CDH23: variants seen among roughly 807,000 people sequenced by gnomAD.
CDH23 encodes the protein cadherin related 23, also known as cadherin-23.
A neutral mutation model predicts 317.1 loss-of-function variants in CDH23; 189 were observed. The ratio of observed to expected loss-of-function variants is 0.60; its 90% CI spans 0.53 to 0.67. The LOEUF (loss-of-function observed/expected upper bound fraction) is 0.67, where lower values mean the gene tolerates loss of function less well. Ranked by LOEUF, CDH23 falls within the 30% of genes least tolerant of loss-of-function variation. CDH23 has a pLI of 0.00. For missense variants in CDH23, 4,401 were observed against 4,592.4 expected, an observed-to-expected ratio of 0.96 and a Z score of 1.20; for synonymous variants, 1,839 against 1,876.8, an observed-to-expected ratio of 0.98 and a Z score of 0.52.
rs56129333 is a variant in CDH23 at position 71,578,000 on chromosome 10, A to G, written c.832+8A>G. The stretch of plus-strand genomic sequence containing the variant: ...GCTACACCATCGTTTCAGGTAAGAC[A>G]GAAGGCTGCCCCTCTCTCCTCTCAC... On this transcript the variant is annotated splice_region_variant and intron_variant, in intron 9 of 69. Coordinates refer to ENST00000224721, the MANE Select transcript of CDH23 (RefSeq NM_022124.6). 1,012 of 1,588,880 alleles carry G rather than the reference A, an allele frequency of 6.4e-4. No homozygotes were observed. Among genetic ancestry groups the G allele is most frequent in the Non-Finnish European group, 8.4e-4 (976 of 1,167,756 alleles).
chr10:71,631,529 T>A (rs543977482), intron 11 of CDH23, among the ~76,000 whole-genome samples: 1 of 152,226 alleles, frequency 6.6e-6, no homozygotes, highest in Non-Finnish European at 1.5e-5. Context: ...TGTCTTTCAG[T>A]AGTGGCAAAT....
intron 6 of CDH23, among the ~76,000 whole-genome samples, chr10:71,539,392 CA>C (rs933115914): frequency 6.6e-6 from 1 of 152,168 alleles, no homozygotes; most frequent in Non-Finnish European, 1.5e-5. Flanking sequence ...GAATAAAAAT[CA>C]GAGGTGTCAG....
chr10:71,600,514 CTTTTT>C (rs538778849), intron 9 of CDH23, among the ~76,000 whole-genome samples: 1 of 125,226 alleles, frequency 8.0e-6, no homozygotes, highest in African/African-American at 3.1e-5. Context: ...GACCGCAGAA[CTTTTT>C]TTTTTTTTTT....
rs375676950 is a variant in CDH23 at position 71,630,286 on chromosome 10, T to G, written c.1134+12893T>G. Among the ~76,000 whole-genome samples the G allele has an allele frequency of 9.2e-5, 14 of 152,114 alleles. 1 individual carries two copies. Among genetic ancestry groups the G allele is most frequent in the Admixed American group, 4.6e-4 (7 of 15,266 alleles). ...ATCATCCTGCCTTGGCCTCCCAAAG[T>G]GCTGGGATTACTGGCGTGAGTCATC... On this transcript the variant is annotated intron_variant, in intron 11 of 69. Transcript: ENST00000224721.
intron 9 of CDH23, among the ~76,000 whole-genome samples, chr10:71,591,416 A>T (rs1859484604): frequency 6.6e-6 from 1 of 152,074 alleles, no homozygotes; most frequent in Admixed American, 6.5e-5. Flanking sequence ...CACCTCTTCA[A>T]CTGGGCTCGT....
intron 18 of CDH23, among the ~76,000 whole-genome samples, chr10:71,683,825 G>A (rs1036617381): frequency 6.6e-6 from 1 of 152,114 alleles, no homozygotes; most frequent in African/African-American, 2.4e-5. Context: ...GCTGGGCGCG[G>A]TAATCCCAGC....
At chr10:71,797,052 C>A (rs2132962201) in intron 48 of CDH23, 52 bp from the exon 49 acceptor site, 2 of 1,226,874 alleles carry the variant, frequency 1.6e-6, no homozygotes, top group Non-Finnish European at 2.4e-6. Flanking sequence ...CTGGGAAGGG[C>A]AGATTTTAGG....
chr10:71,523,321 G>C (rs1854809360), intron 6 of CDH23, among the ~76,000 whole-genome samples: 1 of 152,136 alleles, frequency 6.6e-6, no homozygotes, highest in African/African-American at 2.4e-5. Context: ...GCAGGGCCAG[G>C]GCAATGGGAG....
intron 3 of CDH23, among the ~76,000 whole-genome samples, chr10:71,456,406 G>GTTTTGGATGCGGCCATAATAACACTA (rs1564591931): frequency 4.0e-5 from 6 of 151,174 alleles, no homozygotes; most frequent in African/African-American, 1.5e-4. Flanking sequence ...CCTCTAAGGT[G>GTTTTGGATGCGGCCATAATAACACTA]ATAGAACAGA....
intron 48 of CDH23, chr10:71,794,634 A>G (rs1841354069): frequency 1.3e-5 from 2 of 152,218 alleles, no homozygotes; most frequent in African/African-American, 4.8e-5. Flanking sequence ...CAGCAGTAAG[A>G]TATCAGTTTT....
intron 3 of CDH23, among the ~76,000 whole-genome samples, chr10:71,504,768 A>G (rs945117666): frequency 6.6e-6 from 1 of 152,228 alleles, no homozygotes; most frequent in Non-Finnish European, 1.5e-5. Context: ...GCCATAAACC[A>G]GGCTGACTTA....
intron 1 of CDH23, among the ~76,000 whole-genome samples, chr10:71,422,647 G>A (rs1195612877): frequency 6.6e-6 from 1 of 152,202 alleles, no homozygotes; most frequent in East Asian, 1.9e-4. Context: ...TTGAGGTGAG[G>A]AGCTAGGCCC....
rs754613707 is a variant in CDH23 at position 71,460,649 on chromosome 10, G to A, written c.145+14254G>A. Among the ~76,000 whole-genome samples the A allele has an allele frequency of 1.3e-3, 203 of 152,320 alleles. 2 individuals carry two copies. The highest frequency in any genetic ancestry group is 2.6e-4 in the Non-Finnish European group (18 of 68,034). On this transcript the variant is annotated intron_variant, in intron 3 of 69. Coordinates refer to ENST00000224721, the MANE Select transcript of CDH23 (RefSeq NM_022124.6). ...TCCCACACTCTGGAGTGAGCAGTCC[G>A]ACAGGGCCCAGACACCCTGCTCGCC...
rs727505099 is a variant in CDH23, at chr10:71,738,564, G to T, written c.4276G>T (p.Val1426Phe). 9.9e-6 allele frequency: 16 copies of T among 1,613,826 alleles called. No homozygotes were observed. Among genetic ancestry groups the T allele is most frequent in the Non-Finnish European group, 1.4e-5 (16 of 1,179,910 alleles). ...PRFDFTSDSA[V>F]SIPEDCPVGQ... is the part of the protein sequence containing the mutation. Reference sequence around the variant, plus strand: ...GTTTGACTTCACCTCCGACTCGGCGGTCAGCATACCCGAGGACTGCCCTGT... The same window carrying T: ...GTTTGACTTCACCTCCGACTCGGCGTTCAGCATACCCGAGGACTGCCCTGT... The change falls in exon 35 of 70, where the codon GTC becomes TTC. Residue 1426 changes from valine (V) to phenylalanine (F), a missense_variant. By Grantham distance (50) the Val-to-Phe change is conservative. Transcript: ENST00000224721.
At chr10:71,645,679 TG>T in intron 12 of CDH23, 151 bp from the exon 13 acceptor site, 2 of 877,496 alleles carry the variant, frequency 2.3e-6, no homozygotes, top group Non-Finnish European at 3.8e-6. Context: ...GGAGCTGCTC[TG>T]GGAAAGCCCT....
rs181441958 is a variant in CDH23 at position 71,595,133 on chromosome 10, T to G, written c.832+17141T>G. ...ACTTCGATGAGGCATTGCACAGCAG[T>G]GCCTGGCATATAGTAAGTGCAGGGT... On this transcript the variant is annotated intron_variant, in intron 9 of 69. Coordinates refer to ENST00000224721, the MANE Select transcript of CDH23 (RefSeq NM_022124.6). 3.2e-4 allele frequency among the ~76,000 whole-genome samples: 48 copies of G among 152,346 alleles called. No homozygotes were observed. The East Asian group carries it at 8.5e-3, about 27-fold the overall frequency.
chr10:71,649,556 A>G (rs139306533), intron 14 of CDH23, among the ~76,000 whole-genome samples: 12 of 152,166 alleles, frequency 7.9e-5, no homozygotes, highest in Non-Finnish European at 1.8e-4. Flanking sequence ...GAAGGGCCAG[A>G]CTTTCTCACC....
Position 71,791,122 on chromosome 10 carries a change from C to T in CDH23, c.6050-10C>T, listed in dbSNP as rs560760228. 7.8e-5 allele frequency: 125 copies of T among 1,597,060 alleles called. No individual in the cohort carries two copies. Among genetic ancestry groups the T allele is most frequent in the African/African-American group, 4.7e-4 (35 of 74,786 alleles). On this transcript the variant is annotated splice_polypyrimidine_tract_variant and intron_variant, in intron 46 of 69. Coordinates refer to ENST00000224721, the MANE Select transcript of CDH23 (RefSeq NM_022124.6). ...TGTGTGTTTCCCTGGCTGGCGGCACCGGGTGCCAGGTGTGGTGACCGTGAG... is the reference window on the plus strand; with the variant it reads ...TGTGTGTTTCCCTGGCTGGCGGCACTGGGTGCCAGGTGTGGTGACCGTGAG...
intron 16 of CDH23, 68 bp from the exon 17 acceptor site, chr10:71,679,319 C>T (rs539734181): frequency 6.4e-5 from 48 of 754,252 alleles, no homozygotes; most frequent in South Asian, 5.0e-4. Context: ...ACCCTCCCAG[C>T]TGCCCACCCT....
Sources: allele counts gnomAD v4.1 joint callset (sites outside exome capture counted in the v4.1 genomes callset), GRCh38; gene constraint gnomAD v4.1.1; transcripts MANE v1.5; gene names NCBI Gene and HGNC (gene_info 2026-07-23, HGNC 2026-07-21).